The following LITAF variants were observed in gnomAD, a reference collection of about 807,000 sequenced individuals.
LITAF encodes the protein lipopolysaccharide-induced tumor necrosis factor-alpha factor.
A neutral mutation model predicts 14.5 loss-of-function variants in LITAF; 9 were observed. That is an observed-to-expected ratio of 0.62 (90% confidence interval 0.37 to 1.08). The LOEUF is 1.08. Among genes scored for constraint, LITAF ranks in the 50% least tolerant of loss-of-function variants. The probability of loss-of-function intolerance (pLI) is 0.01; values close to 1 mark genes in which losing one functional copy is unlikely to be tolerated. For synonymous variants in LITAF, 98 were observed against 88.2 expected, an observed-to-expected ratio of 1.11 and a Z score of -0.62; for missense variants, 206 against 213.4, an observed-to-expected ratio of 0.97 and a Z score of 0.22.
At chr16:11,630,451 T>C (rs1409779147) in intron 3 of LITAF, among the ~76,000 whole-genome samples, 1 of 152,098 alleles carries the variant, frequency 6.6e-6, no homozygotes, top group Non-Finnish European at 1.5e-5. Context: ...TGGGCCTCAT[T>C]GCAAACCACA....
chr16:11,561,333 A>C (rs567012753), intron 1 of LITAF: 2 of 152,340 alleles, frequency 1.3e-5, no homozygotes, highest in South Asian at 4.1e-4. Context: ...AGGAAACTGC[A>C]TCTTTACAGA....
At chr16:11,597,153 T>C (rs2064894563) in intron 1 of LITAF, among the ~76,000 whole-genome samples, 1 of 152,004 alleles carries the variant, frequency 6.6e-6, no homozygotes, top group Non-Finnish European at 1.5e-5. Context: ...GGTAACAAGA[T>C]AGCGGTCCCA....
chr16:11,603,588 T>C (rs1265249757), intron 3 of LITAF, among the ~76,000 whole-genome samples: 1 of 152,240 alleles, frequency 6.6e-6, no homozygotes, highest in Non-Finnish European at 1.5e-5. Flanking sequence ...CACAGCTGCC[T>C]GGCAAGGTTT....
intron 3 of LITAF, among the ~76,000 whole-genome samples, chr16:11,616,341 G>A (rs936549931): frequency 2.0e-5 from 3 of 152,008 alleles, no homozygotes; most frequent in Non-Finnish European, 2.9e-5. Flanking sequence ...GCCAGGCATG[G>A]TAGCACGTGA....
At chr16:11,576,534 CAA>C (rs66551972) in intron 1 of LITAF, among the ~76,000 whole-genome samples, 18,606 of 62,640 alleles carry the variant, frequency 0.3, 1,510 homozygotes, top group East Asian at 0.49. Context: ...TTACAATCTG[CAA>C]AAAAAAAAAA....
intron 3 of LITAF, among the ~76,000 whole-genome samples, chr16:11,628,132 T>A (rs985169413): frequency 1.3e-5 from 2 of 152,124 alleles, no homozygotes; most frequent in Non-Finnish European, 2.9e-5. Flanking sequence ...GGAAAAATAT[T>A]TCCCATTCTG....
At chr16:11,588,559 G>C (rs1957153905), upstream of LITAF, among the ~76,000 whole-genome samples, 1 of 136,626 alleles carries the variant, frequency 7.3e-6, no homozygotes, top group South Asian at 2.7e-4. Context: ...GAAAGAGAAA[G>C]AAAGAAAGGG....
intron 2 of LITAF, 96 bp downstream of exon 2, chr16:11,556,415 A>T: frequency 9.3e-7 from 1 of 1,071,286 alleles, no homozygotes; most frequent in Non-Finnish European, 1.4e-6. Flanking sequence ...CTGGCACTTC[A>T]CTTAGACTCT....
upstream of LITAF, among the ~76,000 whole-genome samples, chr16:11,591,231 T>C (rs1275029130): frequency 8.4e-6 from 1 of 118,892 alleles, no homozygotes; most frequent in Non-Finnish European, 1.7e-5. Flanking sequence ...TTGCCCATTC[T>C]GGGATGTAGT....
chr16:11,555,717 G>A (rs1452913698), intron 2 of LITAF, among the ~76,000 whole-genome samples: 1 of 151,442 alleles, frequency 6.6e-6, no homozygotes, highest in Non-Finnish European at 1.5e-5. Flanking sequence ...GATGGTCTAA[G>A]AATCTAAAGT....
rs1428937556 is a variant in LITAF, at chr16:11,558,065, A to G, written c.-5-1330T>C. Among the ~76,000 whole-genome samples, 2 of 152,098 alleles carry G rather than the reference A, an allele frequency of 1.3e-5. No individual in the cohort carries two copies. Among genetic ancestry groups the G allele is most frequent in the Admixed American group, 1.3e-4 (2 of 15,254 alleles). ...GCCATTCAAACCTGTCTCGGGAGAAATGGGAAATGAGGCTCCGGGGCAGCG... is the reference window on the plus strand; with the variant it reads ...GCCATTCAAACCTGTCTCGGGAGAAGTGGGAAATGAGGCTCCGGGGCAGCG... On this transcript the variant is annotated intron_variant, in intron 1 of 3. Transcript: ENST00000622633. The surrounding 1 kb of genome is among the most constrained non-coding windows in gnomAD (Gnocchi z 4.1).
At chr16:11,635,285 G>C (rs1237950721) in intron 2 of LITAF, among the ~76,000 whole-genome samples, 3 of 152,170 alleles carry the variant, frequency 2.0e-5, no homozygotes, top group African/African-American at 7.2e-5. Flanking sequence ...CGCTTGCATA[G>C]ACACACACGC....
chr16:11,567,518 T>C (rs7200694), intron 1 of LITAF, among the ~76,000 whole-genome samples: 6 of 151,822 alleles, frequency 4.0e-5, no homozygotes, highest in African/African-American at 1.2e-4. Flanking sequence ...ATGGACAAAA[T>C]GAAGTCAGAA....
At chr16:11,587,440 G>A (rs765413331), upstream of LITAF, 36 of 453,922 alleles carry the variant, frequency 7.9e-5, no homozygotes, top group Non-Finnish European at 1.2e-4. Flanking sequence ...GACACTCTCT[G>A]TGCCTTCGGG....
intron 1 of LITAF, among the ~76,000 whole-genome samples, chr16:11,595,008 G>A (rs560713937): frequency 2.0e-5 from 3 of 152,224 alleles, no homozygotes; most frequent in Admixed American, 6.5e-5. Flanking sequence ...ATTTTCTAAT[G>A]TTTCAAGAAC....
intron 1 of LITAF, among the ~76,000 whole-genome samples, chr16:11,560,409 G>C (rs996164298): frequency 6.6e-6 from 1 of 151,764 alleles, no homozygotes; most frequent in East Asian, 1.9e-4. Flanking sequence ...TAAGGAGTTC[G>C]AGACCAGCCT....
chr16:11,560,894 C>A (rs916754582), intron 1 of LITAF, among the ~76,000 whole-genome samples: 1 of 152,174 alleles, frequency 6.6e-6, no homozygotes, highest in Non-Finnish European at 1.5e-5. Flanking sequence ...TTGCTAGTTT[C>A]CTCTGACGTA....
In LITAF at chr16:11,592,504, G is replaced by A. The variant is rs559451361; in HGVS notation, c.-6+5884C>T. ...GTGGGAGGATCACCTGAGCCTGGGA[G>A]GTCAACACTGCAGTGAGCAGAGATC... is the stretch of plus-strand genomic sequence containing the variant. On this transcript the variant is annotated intron_variant, in intron 1 of 3. Transcript: ENST00000571627. 3.3e-5 allele frequency among the ~76,000 whole-genome samples: 5 copies of A among 151,704 alleles called. No homozygotes were observed. In the South Asian group the frequency reaches 1.0e-3, roughly 32 times the overall value.
Position 11,556,568 on chromosome 16 carries a change from C to G in LITAF, c.163G>C (p.Gly55Arg). 1.2e-6 allele frequency: 2 copies of G among 1,614,114 alleles called. No homozygotes were observed. The highest frequency in any genetic ancestry group is 1.7e-6 in the Non-Finnish European group (2 of 1,180,024). ...GTATAATACGAAGGAGGATTCATGC[C>G]CTTCCCATCAGGCCCCGTCACAAGC... ...TGLVTGPDGK[G>R]MNPPSYYTQP... The change falls in exon 2 of 4, where the codon GGC becomes CGC. Residue 55 changes from glycine to arginine, a missense_variant. By Grantham distance (125) the Gly-to-Arg change is moderately radical. Coordinates refer to ENST00000622633, the MANE Select transcript of LITAF (RefSeq NM_001136472.2).
Sources: gnomAD v4.1 joint callset for allele counts (sites outside exome capture counted in the v4.1 genomes callset) on GRCh38, gnomAD v4.1.1 for gene constraint, Gnocchi (gnomAD v3.1) non-coding constraint, MANE v1.5 for transcripts, NCBI Gene and HGNC (gene_info 2026-07-23, HGNC 2026-07-21) for gene names.